The following ASZ1 variants were observed in gnomAD, a reference collection of about 807,000 sequenced individuals.
The protein encoded by ASZ1 is ankyrin repeat, SAM and basic leucine zipper domain-containing protein 1.
Under a neutral mutation model 61.8 loss-of-function variants are expected in ASZ1, and 67 were observed. The ratio of observed to expected loss-of-function variants is 1.08; its 90% CI spans 0.89 to 1.33. ASZ1 has a LOEUF of 1.33. Among genes scored for constraint, ASZ1 ranks in the 40% most tolerant of loss-of-function variants. The probability of loss-of-function intolerance (pLI) is 0.00; values close to 1 mark genes in which losing one functional copy is unlikely to be tolerated. For synonymous variants in ASZ1, 193 were observed against 192.7 expected (o/e 1.00, Z -0.01); for missense variants, 577 against 554.5 (o/e 1.04, Z -0.41).
rs552695740 is a variant in ASZ1 at position 117,390,806 on chromosome 7, C to T, written c.441-4997G>A. Among the ~76,000 whole-genome samples, 5 of 152,226 alleles carry T rather than the reference C, an allele frequency of 3.3e-5. No homozygotes were observed. The East Asian group carries it at 9.7e-4, about 29-fold the overall frequency. On this transcript the variant is annotated intron_variant, in intron 4 of 12. Coordinates refer to ENST00000284629, the MANE Select transcript of ASZ1 (RefSeq NM_130768.3). ...GCAACCTCTGCCTCCTGGGTTCAAG[C>T]GATTCTCCTGCCTCAGCCTCCTGAA...
Position 117,384,872 on chromosome 7 carries a change from G to A in ASZ1, c.553-12C>T. On this transcript the variant is annotated splice_polypyrimidine_tract_variant and intron_variant, in intron 5 of 12. Transcript: ENST00000284629. The stretch of plus-strand genomic sequence containing the variant: ...GCCCACGTTAAAGCCTGTAAGTAGG[G>A]GGAAAAGAAGATTGTTTAAAGAGAA... 6.4e-7 allele frequency: 1 copy of A among 1,551,514 alleles called. No homozygotes were observed. Among genetic ancestry groups the A allele is most frequent in the Non-Finnish European group, 8.6e-7 (1 of 1,156,492 alleles).
intron 9 of ASZ1, among the ~76,000 whole-genome samples, 159 bp downstream of exon 9, chr7:117,380,852 A>AT (rs1004213833): frequency 8.6e-5 from 13 of 151,972 alleles, no homozygotes; most frequent in African/African-American, 2.9e-4. Flanking sequence ...CTAACACAAG[A>AT]TTTTAGATAC....
chr7:117,395,285 G>A (rs1225170241), intron 4 of ASZ1, among the ~76,000 whole-genome samples: 1 of 152,090 alleles, frequency 6.6e-6, no homozygotes, highest in Non-Finnish European at 1.5e-5. Context: ...GGAAGGGCAA[G>A]ACTTTAGCAT....
intron 4 of ASZ1, among the ~76,000 whole-genome samples, chr7:117,408,680 AAAAAG>A (rs1796837565): frequency 6.6e-6 from 1 of 152,192 alleles, no homozygotes; most frequent in Non-Finnish European, 1.5e-5. Context: ...TCTCAGCAAT[AAAAAG>A]AAATGAACTA....
chr7:117,406,657 G>A (rs1359864872), intron 4 of ASZ1, among the ~76,000 whole-genome samples: 1 of 152,018 alleles, frequency 6.6e-6, no homozygotes, highest in African/African-American at 2.4e-5. Context: ...GGAGGCTGAG[G>A]TAGGAGAATC....
rs183614713 is a variant in ASZ1 at position 117,393,517 on chromosome 7, T to C, written c.441-7708A>G. Among the ~76,000 whole-genome samples, 273 of 152,260 alleles carry C rather than the reference T, an allele frequency of 1.8e-3. 2 individuals are homozygous for C. Among genetic ancestry groups the C allele is most frequent in the African/African-American group, 6.4e-3 (268 of 41,572 alleles). ...TTGCCTGGCATTTTATTTACTACCCTAGGGGTATTTTTTTATCTTGATATT... is the reference window on the plus strand; with the variant it reads ...TTGCCTGGCATTTTATTTACTACCCCAGGGGTATTTTTTTATCTTGATATT... On this transcript the variant is annotated intron_variant, in intron 4 of 12. Coordinates refer to ENST00000284629, the MANE Select transcript of ASZ1 (RefSeq NM_130768.3).
intron 4 of ASZ1, among the ~76,000 whole-genome samples, chr7:117,402,299 C>A (rs1264887630): frequency 6.6e-6 from 1 of 152,166 alleles, no homozygotes; most frequent in Non-Finnish European, 1.5e-5. Context: ...ACATCTGTCT[C>A]TGGGAATTCC....
In ASZ1 at chr7:117,363,629, A is replaced by T; in HGVS notation, c.1395T>A (p.Leu465=). ...TCTGGAAAGTTAGCTTGCAAATGAAAAGAAGAAAACCGAATCCGCATATGG... is the reference window on the plus strand; with the variant it reads ...TCTGGAAAGTTAGCTTGCAAATGAATAGAAGAAAACCGAATCCGCATATGG... ...AITICGFGFL[L]FICKLTFQRK is the part of the protein sequence containing the mutation. Residue 465 remains leucine, a synonymous_variant, in exon 13 of 13, where the codon CTT becomes CTA. Coordinates refer to ENST00000284629, the MANE Select transcript of ASZ1 (RefSeq NM_130768.3). 6.2e-7 allele frequency: 1 copy of T among 1,601,684 alleles called. No individual in the cohort carries two copies. Among genetic ancestry groups the T allele is most frequent in the Non-Finnish European group, 8.5e-7 (1 of 1,175,330 alleles).
Position 117,382,976 on chromosome 7 carries a change from G to A in ASZ1, c.812+10C>T. On this transcript the variant is annotated intron_variant, in intron 7 of 12. Coordinates refer to ENST00000284629, the MANE Select transcript of ASZ1 (RefSeq NM_130768.3). Reference sequence around the variant, plus strand: ...TAGGTATTCTGTTGAACTAAAACATGCTATATTACCTAAAAATGTGATCTT... The same window carrying A: ...TAGGTATTCTGTTGAACTAAAACATACTATATTACCTAAAAATGTGATCTT... The A allele has an allele frequency of 1.3e-6, 2 of 1,547,960 alleles. No individual in the cohort carries two copies. The highest frequency in any genetic ancestry group is 1.8e-4 in the Middle Eastern group (1 of 5,558).
chr7:117,415,941 A>C (rs886306587), intron 4 of ASZ1, among the ~76,000 whole-genome samples: 11 of 152,234 alleles, frequency 7.2e-5, no homozygotes, highest in African/African-American at 2.7e-4. Flanking sequence ...CTGTAATCCC[A>C]ACACTTTGGG....
chr7:117,383,968 T>C (rs1312285686), intron 6 of ASZ1, among the ~76,000 whole-genome samples: 1 of 152,042 alleles, frequency 6.6e-6, no homozygotes, highest in Admixed American at 6.6e-5. Flanking sequence ...CTTAAAAGGT[T>C]AGAGGAAGTT....
chr7:117,380,172 T>C (rs1166271725), intron 9 of ASZ1, 125 bp from the exon 10 acceptor site: 2 of 623,576 alleles, frequency 3.2e-6, no homozygotes, highest in East Asian at 5.7e-5. Flanking sequence ...ATTGGAAAAA[T>C]AACACACTTC....
intron 4 of ASZ1, among the ~76,000 whole-genome samples, chr7:117,408,212 C>T (rs1163076091): frequency 2.0e-5 from 3 of 152,100 alleles, no homozygotes; most frequent in Non-Finnish European, 2.9e-5. Context: ...GCCTCCGTCC[C>T]CCACAACCAG....
chr7:117,420,045 A>T (rs886336911), intron 4 of ASZ1, 118 bp downstream of exon 4: 7 of 646,866 alleles, frequency 1.1e-5, no homozygotes, highest in Admixed American at 8.7e-5. Flanking sequence ...GACCTTATGA[A>T]CTATTTTCAT....
At chr7:117,395,660 A>C (rs943688904) in intron 4 of ASZ1, among the ~76,000 whole-genome samples, 7 of 152,260 alleles carry the variant, frequency 4.6e-5, no homozygotes, top group African/African-American at 1.7e-4. Context: ...TTTGCACATT[A>C]GTTTTGTAAA....
chr7:117,389,204 C>T (rs1049792335), intron 4 of ASZ1, among the ~76,000 whole-genome samples: 4 of 150,898 alleles, frequency 2.7e-5, no homozygotes, highest in East Asian at 2.0e-4. Context: ...AGGAGGTACA[C>T]GTTAAGGTTG....
At chr7:117,404,424 T>A (rs1410950594) in intron 4 of ASZ1, among the ~76,000 whole-genome samples, 4 of 150,608 alleles carry the variant, frequency 2.7e-5, no homozygotes, top group African/African-American at 7.4e-5. Context: ...TTCCTTTTTT[T>A]TTTTTTTGAC....
intron 12 of ASZ1, among the ~76,000 whole-genome samples, chr7:117,365,674 A>G (rs1795923153): frequency 6.6e-6 from 1 of 152,214 alleles, no homozygotes; most frequent in African/African-American, 2.4e-5. Context: ...ATGTTTAAGT[A>G]GGATCAGTTC....
In ASZ1 at chr7:117,384,868, T is replaced by C. The variant is rs749974833; in HGVS notation, c.553-8A>G. ...TGCTGCCCACGTTAAAGCCTGTAAGTAGGGGGAAAAGAAGATTGTTTAAAG... is the reference window on the plus strand; with the variant it reads ...TGCTGCCCACGTTAAAGCCTGTAAGCAGGGGGAAAAGAAGATTGTTTAAAG... On this transcript the variant is annotated splice_region_variant and splice_polypyrimidine_tract_variant and intron_variant, in intron 5 of 12. Transcript: ENST00000284629. 56 of 1,560,650 alleles carry C rather than the reference T, an allele frequency of 3.6e-5. 1 individual carries two copies. The South Asian group carries it at 6.5e-4, about 18-fold the overall frequency.
Sources: gnomAD v4.1 joint callset for allele counts (sites outside exome capture counted in the v4.1 genomes callset) on GRCh38, gnomAD v4.1.1 for gene constraint, MANE v1.5 for transcripts, NCBI Gene and HGNC (gene_info 2026-07-23, HGNC 2026-07-21) for gene names.